LOC128462377: variants seen among roughly 807,000 people sequenced by gnomAD.
the LOC128462377 span, among the ~76,000 whole-genome samples, chr16:89,333,996 T>C: frequency 1.3e-5 from 2 of 151,860 alleles, no homozygotes; most frequent in East Asian, 3.9e-4. Context: ...GTCAGATATA[T>C]CTAAGTTTCT....
At chr16:89,381,147 A>G in the LOC128462377 span, among the ~76,000 whole-genome samples, 1 of 152,078 alleles carries the variant, frequency 6.6e-6, no homozygotes, top group African/African-American at 2.4e-5. Flanking sequence ...ACATGGCGAA[A>G]CCCTATTTCT....
At chr16:89,343,208 C>T in the LOC128462377 span, among the ~76,000 whole-genome samples, 3 of 152,040 alleles carry the variant, frequency 2.0e-5, no homozygotes, top group Admixed American at 6.6e-5. Context: ...CCAGGCTGGT[C>T]TCGAACTCCT....
chr16:89,337,405 T>C, the LOC128462377 span, among the ~76,000 whole-genome samples: 1 of 138,506 alleles, frequency 7.2e-6, no homozygotes, highest in African/African-American at 2.6e-5. Context: ...TACTGCACAA[T>C]ACATGAACAT....
At chr16:89,397,268 G>C in the LOC128462377 span, among the ~76,000 whole-genome samples, 1 of 152,174 alleles carries the variant, frequency 6.6e-6, no homozygotes, top group Non-Finnish European at 1.5e-5. Context: ...CCACCTCCAG[G>C]ACAGACACCA....
chr16:89,405,273 G>A, the LOC128462377 span, among the ~76,000 whole-genome samples: 1 of 152,128 alleles, frequency 6.6e-6, no homozygotes, highest in Non-Finnish European at 1.5e-5. Context: ...GCCGTTACGT[G>A]GGGCATGACT....
the LOC128462377 span, among the ~76,000 whole-genome samples, chr16:89,386,630 G>C: frequency 6.6e-6 from 1 of 152,204 alleles, no homozygotes; most frequent in Non-Finnish European, 1.5e-5. Flanking sequence ...AGTCAAGACA[G>C]AATCACAAAT....
the LOC128462377 span, among the ~76,000 whole-genome samples, chr16:89,411,612 C>G: frequency 1.4e-3 from 213 of 152,190 alleles, 1 homozygote; most frequent in African/African-American, 4.8e-3. Flanking sequence ...TGGGGTCTTG[C>G]CACGTTGCCC....
chr16:89,374,994 T>C, the LOC128462377 span, among the ~76,000 whole-genome samples: 1 of 152,162 alleles, frequency 6.6e-6, no homozygotes, highest in Non-Finnish European at 1.5e-5. Context: ...TATCATTTCC[T>C]ACCATAAACT....
At chr16:89,335,332 C>T in the LOC128462377 span, among the ~76,000 whole-genome samples, 5 of 152,200 alleles carry the variant, frequency 3.3e-5, no homozygotes, top group Admixed American at 3.3e-4. Context: ...CCAGTTCCTT[C>T]CAGCACAGGA....
chr16:89,415,836 A>AAAAAAAAAAAAAAAAAC, the LOC128462377 span, among the ~76,000 whole-genome samples: 3 of 141,186 alleles, frequency 2.1e-5, no homozygotes, highest in African/African-American at 7.9e-5. Context: ...TCTCAAAAAA[A>AAAAAAAAAAAAAAAAAC]AAAAAAAAAA....
At chr16:89,349,859 AAAAC>A in the LOC128462377 span, among the ~76,000 whole-genome samples, 2 of 125,254 alleles carry the variant, frequency 1.6e-5, no homozygotes, top group East Asian at 2.3e-4. Flanking sequence ...AATACTTGTT[AAAAC>A]ACACACACAC....
chr16:89,416,123 A>G, the LOC128462377 span, among the ~76,000 whole-genome samples: 1 of 152,208 alleles, frequency 6.6e-6, no homozygotes, highest in South Asian at 2.1e-4. Context: ...TTAGATTATT[A>G]CTGTGGCATG....
chr16:89,382,103 G>A, the LOC128462377 span, among the ~76,000 whole-genome samples: 38 of 152,284 alleles, frequency 2.5e-4, 1 homozygote, highest in Admixed American at 8.5e-4. Flanking sequence ...CAGAACGGGC[G>A]AGGGGGACGC....
At chr16:89,348,311 A>G in the LOC128462377 span, among the ~76,000 whole-genome samples, 1 of 152,180 alleles carries the variant, frequency 6.6e-6, no homozygotes, top group South Asian at 2.1e-4. Context: ...GGTACACTAC[A>G]TTGATTTTTA....
chr16:89,343,698 C>A, the LOC128462377 span: 1 of 152,278 alleles, frequency 6.6e-6, no homozygotes, highest in Non-Finnish European at 1.5e-5. Context: ...CAGACCACGA[C>A]TAACAGGTTT....
chr16:89,324,443 G>A, the LOC128462377 span: 1 of 462,440 alleles, frequency 2.2e-6, no homozygotes, highest in Non-Finnish European at 4.3e-6. Flanking sequence ...GTAAGTGTGA[G>A]GGTTACTACT....
At chr16:89,368,785 G>A in the LOC128462377 span, among the ~76,000 whole-genome samples, 2 of 152,134 alleles carry the variant, frequency 1.3e-5, no homozygotes, top group African/African-American at 4.8e-5. Flanking sequence ...GCACGCCTGT[G>A]GTTTCAGCTA....
the LOC128462377 span, among the ~76,000 whole-genome samples, chr16:89,377,958 G>A: frequency 6.6e-6 from 1 of 151,682 alleles, no homozygotes. Context: ...TCCACTTAAT[G>A]AGAAGTAAAC....
At chr16:89,359,987 G>A in the LOC128462377 span, among the ~76,000 whole-genome samples, 6 of 151,950 alleles carry the variant, frequency 3.9e-5, no homozygotes, top group African/African-American at 1.2e-4. Context: ...GAGGTTGTAC[G>A]TGTTATTCTA....
Sources: allele counts gnomAD v4.1 joint callset (sites outside exome capture counted in the v4.1 genomes callset), GRCh38; gene constraint gnomAD v4.1.1; transcripts MANE v1.5.